The following KLHL24 variants were observed in gnomAD, a reference collection of about 807,000 sequenced individuals.
KLHL24 encodes the protein kelch-like protein 24.
KLHL24 carries 29 observed loss-of-function variants against 53.4 expected under a neutral mutation model. That is an observed-to-expected ratio of 0.54 (90% CI 0.40 to 0.74). The LOEUF is 0.74. Ranked by LOEUF, KLHL24 falls within the 30% of genes least tolerant of loss-of-function variation. KLHL24 has a pLI of 0.00. For missense variants in KLHL24, 504 were observed against 744.0 expected (o/e 0.68, Z 3.75); for synonymous variants, 222 against 253.7 (o/e 0.88, Z 1.19).
At chr3:183,649,811 G>A (rs1273021925) in intron 2 of KLHL24, among the ~76,000 whole-genome samples, 4 of 152,204 alleles carry the variant, frequency 2.6e-5, no homozygotes, top group South Asian at 4.1e-4. Context: ...CAGGAAGATC[G>A]CTTGAGCCTA....
At chr3:183,645,376 A>T (rs1717071051) in intron 2 of KLHL24, among the ~76,000 whole-genome samples, 1 of 152,220 alleles carries the variant, frequency 6.6e-6, no homozygotes, top group South Asian at 2.1e-4. Flanking sequence ...TATTTGATAG[A>T]TACGCTACTG....
At position 183,671,078 on chromosome 3, in the gene KLHL24, C is replaced by T. The variant is rs907163988; in HGVS notation, c.1269C>T (p.Ser423=). 14 of 1,613,712 alleles carry T rather than the reference C, an allele frequency of 8.7e-6. No homozygotes were observed. The Admixed American group carries it at 1.2e-4, about 13-fold the overall frequency. The change falls in exon 6 of 8, where the codon AGC becomes AGT. Residue 423 remains serine, a synonymous_variant. Transcript: ENST00000242810. ...ATGATGGGCAAAACAGACTTAGCAG[C>T]GTAGAATGTTATGATTCCTTTTCAA... ...GGYDGQNRLS[S]VECYDSFSNR... is the part of the protein sequence containing the mutation.
chr3:183,659,206 C>T (rs914091983), intron 3 of KLHL24, among the ~76,000 whole-genome samples: 6 of 151,988 alleles, frequency 3.9e-5, no homozygotes, highest in African/African-American at 1.5e-4. Context: ...GAAACAAACT[C>T]ACCAGCTCAA....
intron 1 of KLHL24, among the ~76,000 whole-genome samples, chr3:183,642,407 TAAAAA>T (rs924196126): frequency 6.6e-6 from 1 of 151,658 alleles, no homozygotes; most frequent in Non-Finnish European, 1.5e-5. Context: ...TGTATACATT[TAAAAA>T]AAAGGTCGTT....
In KLHL24 at chr3:183,644,034, C is replaced by CTTTTTTTTTTTTTTTT. The variant is rs397955282; in HGVS notation, c.-62+502_-62+517dup. ...GATGATAGGATAACATTTTTCTTTC[C>CTTTTTTTTTTTTTTTT]TTTTTTTTTTTTTTTTTTTTTTTTT... On this transcript the variant is annotated intron_variant, in intron 2 of 7. Transcript: ENST00000242810. 1.8e-4 allele frequency: 14 copies of CTTTTTTTTTTTTTTTT among 76,084 alleles called. 1 individual carries two copies. The highest frequency in any genetic ancestry group is 6.1e-4 in the African/African-American group (10 of 16,504). The allele number at this position is 76,084 out of a possible 1,614,324, so 4.7% of individuals were successfully genotyped here. A position where few individuals can be genotyped will look rare whatever the true frequency, so the allele number is the denominator to read the frequency against.
intron 1 of KLHL24, among the ~76,000 whole-genome samples, chr3:183,641,995 A>G (rs190963526): frequency 1.0e-3 from 157 of 152,312 alleles, no homozygotes; most frequent in African/African-American, 3.4e-3. Context: ...ATTCTAGACC[A>G]GATCGGTTAT....
intron 3 of KLHL24, among the ~76,000 whole-genome samples, chr3:183,654,058 C>G (rs1026181183): frequency 3.3e-5 from 5 of 152,162 alleles, no homozygotes; most frequent in Non-Finnish European, 7.3e-5. Context: ...GACTTCTGCT[C>G]CAGTCACTCT....
At chr3:183,678,289 AT>A (rs1447721226) in intron 7 of KLHL24, among the ~76,000 whole-genome samples, 5 of 152,084 alleles carry the variant, frequency 3.3e-5, no homozygotes, top group Non-Finnish European at 7.3e-5. Context: ...TTAGTTATAA[AT>A]TTTTTCCTCA....
rs577350474 is a variant in KLHL24, at chr3:183,663,875, C to T, written c.1105+233C>T. Among the ~76,000 whole-genome samples, 141 of 152,034 alleles carry T rather than the reference C, an allele frequency of 9.3e-4. No homozygotes were observed. Among genetic ancestry groups the T allele is most frequent in the Middle Eastern group, 3.4e-3 (1 of 292 alleles). On this transcript the variant is annotated intron_variant, in intron 4 of 7. Transcript: ENST00000242810. The surrounding 1 kb of genome is among the most constrained non-coding windows in gnomAD (Gnocchi z 4.9). ...TGGGAGGCCGAGGCAAGCAGATCAC[C>T]GGGTCAGGAGATCGAGACCATCCTG... is the stretch of plus-strand genomic sequence containing the variant.
intron 1 of KLHL24, among the ~76,000 whole-genome samples, chr3:183,640,600 CTT>C (rs761361160): frequency 3.2e-5 from 2 of 61,654 alleles, no homozygotes; most frequent in Non-Finnish European, 6.0e-5. Flanking sequence ...TTTCTTTTTT[CTT>C]TTTTTTTTTT....
chr3:183,644,324 C>T (rs762983824), intron 2 of KLHL24, among the ~76,000 whole-genome samples: 1 of 152,126 alleles, frequency 6.6e-6, no homozygotes, highest in South Asian at 2.1e-4. Flanking sequence ...ATGCATCTCA[C>T]ACTCCTAAGA....
At position 183,679,638 on chromosome 3, in the gene KLHL24, G is replaced by A. The variant is rs1576996915; in HGVS notation, c.*352G>A. On this transcript the variant is annotated 3_prime_UTR_variant, in exon 8 of 8. Coordinates refer to ENST00000242810, the MANE Select transcript of KLHL24 (RefSeq NM_017644.3). ...ACTTATTATGTATGTTTATCTGTAT[G>A]TATATTCCTTATTTTGTCATATATG... 1.1e-5 allele frequency: 2 copies of A among 188,608 alleles called. No homozygotes were observed. Among genetic ancestry groups the A allele is most frequent in the East Asian group, 1.4e-4 (1 of 6,962 alleles). The allele number at this position is 188,608 out of a possible 1,614,324, so 11.7% of individuals were successfully genotyped here. A position where few individuals can be genotyped will look rare whatever the true frequency, so the allele number is the denominator to read the frequency against.
chr3:183,677,830 C>T (rs1320676039), intron 7 of KLHL24, among the ~76,000 whole-genome samples: 1 of 151,754 alleles, frequency 6.6e-6, no homozygotes, highest in African/African-American at 2.4e-5. Context: ...TCGCTCTTAT[C>T]ACCCAGACTG....
intron 3 of KLHL24, among the ~76,000 whole-genome samples, chr3:183,660,955 C>T (rs958160557): frequency 3.5e-5 from 5 of 144,730 alleles, no homozygotes; most frequent in African/African-American, 5.4e-5. Flanking sequence ...GTCCCAGCTA[C>T]TTGGGAGGCT....
At chr3:183,652,283 C>G (rs1718231787) in intron 3 of KLHL24, among the ~76,000 whole-genome samples, 1 of 152,032 alleles carries the variant, frequency 6.6e-6, no homozygotes, top group East Asian at 1.9e-4. Context: ...GATTTTAATT[C>G]ATAAACTATA....
At position 183,650,413 on chromosome 3, in the gene KLHL24, C is replaced by T; in HGVS notation, c.57C>T (p.Ser19=). 6.2e-7 allele frequency: 1 copy of T among 1,614,072 alleles called. No individual in the cohort carries two copies. The highest frequency in any genetic ancestry group is 1.1e-5 in the South Asian group (1 of 91,080). Residue 19 remains serine (S), a synonymous_variant, in exon 3 of 8, where the codon TCC becomes TCT. Transcript: ENST00000242810. This position sits in a 1 kb window ranked among gnomAD's most constrained non-coding sequence, Gnocchi z 4.5. ...GAGAGGATCTTGGGGTGCGTGATTC[C>T]CCAGCAACTAAGCGAAAAGTTTTTG... The part of the protein sequence containing the change: ...LNREDLGVRD[S]PATKRKVFEM...
chr3:183,667,586 C>T (rs1720751787), intron 5 of KLHL24, among the ~76,000 whole-genome samples: 1 of 152,076 alleles, frequency 6.6e-6, no homozygotes, highest in Non-Finnish European at 1.5e-5. Context: ...CCCAAACCAT[C>T]CCATCCCCGA....
At chr3:183,652,776 C>T (rs1160890720) in intron 3 of KLHL24, among the ~76,000 whole-genome samples, 4 of 152,104 alleles carry the variant, frequency 2.6e-5, no homozygotes, top group African/African-American at 9.7e-5. Flanking sequence ...ATTAGTTCTT[C>T]GAGAACTTTC....
chr3:183,656,355 T>A (rs1176218398), intron 3 of KLHL24, among the ~76,000 whole-genome samples: 1 of 152,176 alleles, frequency 6.6e-6, no homozygotes, highest in Non-Finnish European at 1.5e-5. Flanking sequence ...ATTTCCTCTC[T>A]TTCCTCCTTT....
Sources: gnomAD v4.1 joint callset for allele counts (sites outside exome capture counted in the v4.1 genomes callset) on GRCh38, gnomAD v4.1.1 for gene constraint, Gnocchi (gnomAD v3.1) non-coding constraint, MANE v1.5 for transcripts, NCBI Gene and HGNC (gene_info 2026-07-23, HGNC 2026-07-21) for gene names.